Variants in SMYD3 observed in about 807,000 individuals in gnomAD.
SMYD3 encodes SET and MYND domain containing 3.
A neutral mutation model predicts 57.7 loss-of-function variants in SMYD3; 36 were observed. That is an observed-to-expected ratio of 0.62 (90% CI 0.48 to 0.82). The LOEUF (loss-of-function observed/expected upper bound fraction) is 0.82, where lower values mean the gene tolerates loss of function less well. Ranked by LOEUF, SMYD3 falls within the 40% of genes least tolerant of loss-of-function variation. The pLI, the probability that SMYD3 is intolerant of heterozygous loss-of-function variation, is 0.00. For missense variants in SMYD3, 515 were observed against 538.8 expected (o/e 0.96, Z 0.44); for synonymous variants, 211 against 195.0 (o/e 1.08, Z -0.68).
chr1:246,163,511 C>A (rs2062155976), intron 5 of SMYD3, among the ~76,000 whole-genome samples: 5 of 152,176 alleles, frequency 3.3e-5, no homozygotes, highest in Admixed American at 6.5e-5. Context: ...AGGACTCTAC[C>A]TGCTAGACTT....
At position 245,821,127 on chromosome 1, in the gene SMYD3, T is replaced by A. The variant is rs368436300; in HGVS notation, c.1076+37369A>T. On this transcript the variant is annotated intron_variant, in intron 10 of 11. Transcript: ENST00000490107. The stretch of plus-strand genomic sequence containing the variant: ...CAAAAGAACAAAGCTGGAGGCATCA[T>A]GCTACCTGACTTCAAACTATACTAC... Among the ~76,000 whole-genome samples the A allele has an allele frequency of 2.0e-5, 3 of 150,136 alleles. 1 individual carries two copies. The East Asian group carries it at 6.1e-4, about 31-fold the overall frequency.
At chr1:245,897,078 G>A (rs890810005) in intron 8 of SMYD3, among the ~76,000 whole-genome samples, 3 of 152,148 alleles carry the variant, frequency 2.0e-5, no homozygotes, top group Admixed American at 2.0e-4. Context: ...TACCCAAAGA[G>A]ATGAATAATG....
At chr1:245,814,632 G>A (rs2048684812) in intron 10 of SMYD3, among the ~76,000 whole-genome samples, 1 of 152,044 alleles carries the variant, frequency 6.6e-6, no homozygotes, top group Admixed American at 6.6e-5. Flanking sequence ...GCATTGCGGA[G>A]AAGCTGCTCT....
chr1:246,092,169 C>T (rs192154267), intron 5 of SMYD3, among the ~76,000 whole-genome samples: 2 of 152,182 alleles, frequency 1.3e-5, no homozygotes, highest in South Asian at 2.1e-4. Flanking sequence ...AATTATAAGG[C>T]ATAATCTTAC....
chr1:246,215,254 A>G (rs898391327), intron 5 of SMYD3, among the ~76,000 whole-genome samples: 20 of 152,170 alleles, frequency 1.3e-4, no homozygotes, highest in Non-Finnish European at 2.2e-4. Context: ...GTCTATGTAT[A>G]TTGTCATGGG....
intron 5 of SMYD3, among the ~76,000 whole-genome samples, chr1:246,243,570 A>G (rs79274674): frequency 0.059 from 8,995 of 151,872 alleles, 433 homozygotes; most frequent in African/African-American, 0.12. Flanking sequence ...CCAAGTTTCT[A>G]ATTTCCCAAA....
intron 10 of SMYD3, among the ~76,000 whole-genome samples, chr1:245,798,998 C>T (rs2047724580): frequency 6.6e-6 from 1 of 152,174 alleles, no homozygotes; most frequent in South Asian, 2.1e-4. Flanking sequence ...CCAACAGGCA[C>T]TCTTCTCTTT....
chr1:246,064,650 C>T (rs936490056), intron 5 of SMYD3, among the ~76,000 whole-genome samples: 13 of 152,202 alleles, frequency 8.5e-5, no homozygotes, highest in Non-Finnish European at 1.6e-4. Flanking sequence ...GGTGGGACTG[C>T]GTATCCCCAG....
rs58213607 is a variant in SMYD3 at position 245,951,494 on chromosome 1, G to A, written c.532-21557C>T. 3.8e-4 allele frequency among the ~76,000 whole-genome samples: 50 copies of A among 130,448 alleles called. 4 individuals are homozygous for A. The highest frequency in any genetic ancestry group is 1.1e-3 in the African/African-American group (36 of 33,024). The allele number at this position is 130,448 out of a possible 152,430, so 85.6% of individuals were successfully genotyped here. ...TGAGGCAGGAGAATGGCGTGAACCCGGGAGGCAGAGCTTGCAGTGAGCCGA... is the reference window on the plus strand; with the variant it reads ...TGAGGCAGGAGAATGGCGTGAACCCAGGAGGCAGAGCTTGCAGTGAGCCGA... On this transcript the variant is annotated intron_variant, in intron 5 of 11. Coordinates refer to ENST00000490107, the MANE Select transcript of SMYD3 (RefSeq NM_001167740.2).
chr1:245,775,816 T>C (rs894581244), intron 10 of SMYD3, among the ~76,000 whole-genome samples: 14 of 152,112 alleles, frequency 9.2e-5, no homozygotes, highest in African/African-American at 3.1e-4. Flanking sequence ...AATAAAAATA[T>C]CTTTAGACAA....
At chr1:246,312,843 G>A (rs202017246) in intron 5 of SMYD3, among the ~76,000 whole-genome samples, 5 of 152,172 alleles carry the variant, frequency 3.3e-5, no homozygotes, top group Non-Finnish European at 5.9e-5. Context: ...AAAGACTTCC[G>A]AAGGTTAAAC....
intron 1 of SMYD3, among the ~76,000 whole-genome samples, chr1:246,438,731 C>CG (rs933214773): frequency 1.3e-5 from 2 of 151,732 alleles, no homozygotes; most frequent in African/African-American, 4.8e-5. Flanking sequence ...GATGCTGGGG[C>CG]GGGGGGCGGA....
rs150485449 is a variant in SMYD3 at position 246,418,687 on chromosome 1, T to A, written c.165-63593A>T. ...GATGGGGGAGCCAGAAGGGAAATGG[T>A]TTTCTCCCGGAGTCGGGCGCTCGGT... On this transcript the variant is annotated intron_variant, in intron 1 of 11. Transcript: ENST00000490107. 6.7e-3 allele frequency among the ~76,000 whole-genome samples: 1,022 copies of A among 152,112 alleles called. 15 individuals are homozygous for A. Among genetic ancestry groups the A allele is most frequent in the African/African-American group, 0.023 (950 of 41,486 alleles).
chr1:246,053,418 G>A (rs1045922892), intron 5 of SMYD3, among the ~76,000 whole-genome samples: 2 of 152,106 alleles, frequency 1.3e-5, no homozygotes, highest in Non-Finnish European at 2.9e-5. Flanking sequence ...TACACTACCT[G>A]ATTTCAAGAT....
intron 1 of SMYD3, among the ~76,000 whole-genome samples, chr1:246,459,792 A>G (rs748437221): frequency 5.3e-5 from 8 of 152,144 alleles, no homozygotes; most frequent in Non-Finnish European, 7.4e-5. Context: ...TCTACCACCT[A>G]TAAGTCACAT....
At chr1:246,442,957 C>T (rs2067492617) in intron 1 of SMYD3, among the ~76,000 whole-genome samples, 2 of 152,186 alleles carry the variant, frequency 1.3e-5, no homozygotes, top group African/African-American at 2.4e-5. Flanking sequence ...CTAGCAACTT[C>T]CCTTACAGTG....
chr1:245,796,407 G>A (rs893332484), intron 10 of SMYD3, among the ~76,000 whole-genome samples: 11 of 151,784 alleles, frequency 7.2e-5, no homozygotes, highest in African/African-American at 2.7e-4. Flanking sequence ...ACAGAGTAAT[G>A]GTTTACAGGA....
chr1:246,393,115 T>C (rs2066599221), intron 1 of SMYD3, among the ~76,000 whole-genome samples: 1 of 152,152 alleles, frequency 6.6e-6, no homozygotes, highest in African/African-American at 2.4e-5. Flanking sequence ...ACAATCCATA[T>C]AATGAGTACA....
chr1:246,311,758 C>A (rs187993269), intron 5 of SMYD3, among the ~76,000 whole-genome samples: 1 of 152,196 alleles, frequency 6.6e-6, no homozygotes, highest in Non-Finnish European at 1.5e-5. Flanking sequence ...AGCAGCTTTA[C>A]GAATTGGTTC....
Sources: gnomAD v4.1 joint callset for allele counts (sites outside exome capture counted in the v4.1 genomes callset) on GRCh38, gnomAD v4.1.1 for gene constraint, MANE v1.5 for transcripts, NCBI Gene and HGNC (gene_info 2026-07-23, HGNC 2026-07-21) for gene names.